The following FHOD3 variants were observed in gnomAD, a reference collection of about 807,000 sequenced individuals.
FHOD3 encodes formin homology 2 domain containing 3, also known as FH1/FH2 domain-containing protein 3.
A neutral mutation model predicts 173.0 loss-of-function variants in FHOD3; 90 were observed. The observed-to-expected ratio is 0.52, with a 90% CI of 0.44 to 0.62. FHOD3 has a LOEUF of 0.62. FHOD3 is among the 20% of genes least tolerant of loss of function. The pLI, the probability that FHOD3 is intolerant of heterozygous loss-of-function variation, is 0.00. For missense variants in FHOD3, 1,945 were observed against 2,034.7 expected (o/e 0.96, Z 0.85); for synonymous variants, 828 against 823.0 (o/e 1.01, Z -0.10).
intron 3 of FHOD3, among the ~76,000 whole-genome samples, chr18:36,441,323 A>G (rs771211414): frequency 1.3e-5 from 2 of 152,140 alleles, no homozygotes; most frequent in Non-Finnish European, 2.9e-5. Context: ...GTGGGCATGA[A>G]CCCTGCTTTC....
chr18:36,461,270 C>A (rs1390315909), intron 3 of FHOD3, among the ~76,000 whole-genome samples: 1 of 152,166 alleles, frequency 6.6e-6, no homozygotes, highest in African/African-American at 2.4e-5. Context: ...ATTGCTCTTT[C>A]CTCACTTGTT....
intron 1 of FHOD3, among the ~76,000 whole-genome samples, chr18:36,317,012 T>C (rs2044162227): frequency 1.3e-5 from 2 of 152,160 alleles, no homozygotes; most frequent in Non-Finnish European, 2.9e-5. Flanking sequence ...CTGAGAATGA[T>C]GGTTTCCAGC....
chr18:36,481,378 A>G (rs931038072), intron 3 of FHOD3, among the ~76,000 whole-genome samples: 12 of 151,902 alleles, frequency 7.9e-5, no homozygotes, highest in African/African-American at 2.9e-4. Flanking sequence ...GTATTACCAT[A>G]TGGTCCTTCT....
chr18:36,417,618 A>AAT (rs1166567236), intron 3 of FHOD3, among the ~76,000 whole-genome samples: 3 of 152,162 alleles, frequency 2.0e-5, no homozygotes, highest in Non-Finnish European at 4.4e-5. Flanking sequence ...AGGAAATCAG[A>AAT]ATATATATAT....
intron 1 of FHOD3, among the ~76,000 whole-genome samples, chr18:36,351,839 G>T (rs2046140233): frequency 6.6e-6 from 1 of 152,212 alleles, no homozygotes. Context: ...AGATGGAAAT[G>T]ATATGCAAAA....
At position 36,724,536 on chromosome 18, in the gene FHOD3, T is replaced by C. The variant is rs750789907; in HGVS notation, c.3417+5821T>C. 1.1e-3 allele frequency among the ~76,000 whole-genome samples: 163 copies of C among 152,254 alleles called. 3 individuals carry two copies. The highest frequency in any genetic ancestry group is 1.0e-3 in the Non-Finnish European group (71 of 67,990). On this transcript the variant is annotated intron_variant, in intron 19 of 28. Transcript: ENST00000590592. ...GTGCTGTCTGTTTGAAGCCTCACCC[T>C]AGAGGGGCTCACCTGCATCTTCCTA...
At chr18:36,547,824 T>C (rs973464353) in intron 5 of FHOD3, among the ~76,000 whole-genome samples, 11 of 152,180 alleles carry the variant, frequency 7.2e-5, no homozygotes, top group Admixed American at 4.6e-4. Context: ...TGAGGTTGGT[T>C]GTTTTGAGCT....
At chr18:36,653,701 C>T (rs1436854413) in intron 13 of FHOD3, among the ~76,000 whole-genome samples, 1 of 152,154 alleles carries the variant, frequency 6.6e-6, no homozygotes, top group East Asian at 1.9e-4. Flanking sequence ...GTTATGAGCT[C>T]TCTGCTGGAG....
chr18:36,657,887 C>T (rs539022232), intron 13 of FHOD3, among the ~76,000 whole-genome samples, 188 bp from the exon 14 acceptor site: 2 of 152,270 alleles, frequency 1.3e-5, no homozygotes, highest in Admixed American at 6.5e-5. Context: ...TTGGGAAACT[C>T]CTCTTATGAG....
At chr18:36,375,049 A>G (rs1390138492) in intron 3 of FHOD3, among the ~76,000 whole-genome samples, 1 of 152,214 alleles carries the variant, frequency 6.6e-6, no homozygotes, top group Non-Finnish European at 1.5e-5. Context: ...GAATAGGTTT[A>G]TTAGCACTAA....
intron 3 of FHOD3, among the ~76,000 whole-genome samples, chr18:36,433,590 T>A (rs2050666951): frequency 6.6e-6 from 1 of 152,206 alleles, no homozygotes; most frequent in Middle Eastern, 3.2e-3. Flanking sequence ...CACTGCTGAT[T>A]GGAGAACTGT....
At chr18:36,446,249 C>G (rs2051464102) in intron 3 of FHOD3, among the ~76,000 whole-genome samples, 1 of 152,170 alleles carries the variant, frequency 6.6e-6, no homozygotes, top group Non-Finnish European at 1.5e-5. Context: ...TGGCCTTCCT[C>G]AGTGCATAAG....
At chr18:36,307,222 A>C (rs145576510) in intron 1 of FHOD3, among the ~76,000 whole-genome samples, 2,736 of 152,292 alleles carry the variant, frequency 0.018, 117 homozygotes, top group East Asian at 0.093. Flanking sequence ...TCAGCCTCCC[A>C]AAGTGCTGGG....
chr18:36,320,409 A>T (rs1349557614), intron 1 of FHOD3, among the ~76,000 whole-genome samples: 1 of 152,224 alleles, frequency 6.6e-6, no homozygotes, highest in Admixed American at 6.5e-5. Context: ...TCCTGGACAC[A>T]TACACCCTCC....
chr18:36,486,815 G>A (rs186900562), intron 3 of FHOD3, among the ~76,000 whole-genome samples: 5 of 152,178 alleles, frequency 3.3e-5, no homozygotes, highest in Admixed American at 1.3e-4. Flanking sequence ...ATCAATCTCC[G>A]CTATTCCCAA....
chr18:36,382,434 A>C (rs1403129150), intron 3 of FHOD3, among the ~76,000 whole-genome samples: 1 of 152,190 alleles, frequency 6.6e-6, no homozygotes, highest in Non-Finnish European at 1.5e-5. Context: ...AGAAGGCTGG[A>C]GATAATTCCA....
intron 27 of FHOD3, among the ~76,000 whole-genome samples, chr18:36,766,959 T>C (rs2043165000): frequency 6.6e-6 from 1 of 152,090 alleles, no homozygotes; most frequent in African/African-American, 2.4e-5. Flanking sequence ...AAACAGGAAA[T>C]TGCGGGGTAA....
chr18:36,541,268 A>T (rs1013645431), intron 5 of FHOD3, among the ~76,000 whole-genome samples: 39 of 148,070 alleles, frequency 2.6e-4, no homozygotes, highest in Admixed American at 1.5e-3. Context: ...AAAAAAAAAA[A>T]AAAAGAAAGA....
chr18:36,591,309 G>A (rs2059208713), intron 6 of FHOD3, among the ~76,000 whole-genome samples: 1 of 152,216 alleles, frequency 6.6e-6, no homozygotes, highest in Non-Finnish European at 1.5e-5. Flanking sequence ...GTGGGGAGGA[G>A]GTTACCTCCA....
Sources: allele counts gnomAD v4.1 joint callset (sites outside exome capture counted in the v4.1 genomes callset), GRCh38; gene constraint gnomAD v4.1.1; transcripts MANE v1.5; gene names NCBI Gene and HGNC (gene_info 2026-07-23, HGNC 2026-07-21).